ARHGEF38: variants seen among roughly 807,000 people sequenced by gnomAD.
The protein encoded by ARHGEF38 is Rho guanine nucleotide exchange factor 38.
In ARHGEF38, 79 loss-of-function variants were observed where a neutral mutation model predicts 79.9. The ratio of observed to expected loss-of-function variants is 0.99; its 90% CI spans 0.82 to 1.19. ARHGEF38 has a LOEUF of 1.19. ARHGEF38 is among the 50% of genes most tolerant of loss of function. ARHGEF38 has a pLI of 0.00. For synonymous variants in ARHGEF38, 366 were observed against 328.3 expected, an observed-to-expected ratio of 1.11 and a Z score of -1.24; for missense variants, 962 against 907.2, an observed-to-expected ratio of 1.06 and a Z score of -0.78.
intron 3 of ARHGEF38, among the ~76,000 whole-genome samples, chr4:105,621,819 G>A (rs1728745612): frequency 6.6e-6 from 1 of 152,156 alleles, no homozygotes; most frequent in African/African-American, 2.4e-5. Flanking sequence ...TGGTTGGGAG[G>A]GTCCTAGACC....
intron 1 of ARHGEF38, among the ~76,000 whole-genome samples, chr4:105,584,614 T>C (rs1014679996): frequency 6.6e-5 from 10 of 152,206 alleles, no homozygotes; most frequent in Non-Finnish European, 1.2e-4. Flanking sequence ...CTCTACTATA[T>C]CTACATCTCT....
intron 2 of ARHGEF38, among the ~76,000 whole-genome samples, chr4:105,599,468 C>A: frequency 6.6e-6 from 1 of 152,110 alleles, no homozygotes; most frequent in East Asian, 1.9e-4. Flanking sequence ...CATCCCTCAG[C>A]CTGGGCAAGA....
In ARHGEF38 at chr4:105,679,254, C is replaced by A; in HGVS notation, c.*1317C>A. The A allele has an allele frequency of 1.5e-6, 1 of 680,616 alleles. No homozygotes were observed. Among genetic ancestry groups the A allele is most frequent in the South Asian group, 1.8e-5 (1 of 55,118 alleles). The allele number at this position is 680,616 out of a possible 1,614,324, so 42.2% of individuals were successfully genotyped here. A position where few individuals can be genotyped will look rare whatever the true frequency, so the allele number is the denominator to read the frequency against. ...TTTCCATCATAATATTCTTTAATTT[C>A]AGGTAATTTAGCTGGCACTGAGAGT... On this transcript the variant is annotated 3_prime_UTR_variant, in exon 14 of 14. Transcript: ENST00000420470.
At chr4:105,589,115 T>A in intron 1 of ARHGEF38, 133 bp from the exon 2 acceptor site, 1 of 672,834 alleles carries the variant, frequency 1.5e-6, no homozygotes, top group East Asian at 2.8e-5. Context: ...CATATATCAC[T>A]TCCTAAGAAA....
intron 1 of ARHGEF38, among the ~76,000 whole-genome samples, chr4:105,555,436 T>C (rs1051208384): frequency 1.3e-5 from 2 of 152,168 alleles, no homozygotes; most frequent in African/African-American, 4.8e-5. Flanking sequence ...ATCAGTTCTG[T>C]GCGTTTGTTC....
At chr4:105,602,790 G>A (rs1468540309) in intron 2 of ARHGEF38, among the ~76,000 whole-genome samples, 2 of 152,020 alleles carry the variant, frequency 1.3e-5, no homozygotes, top group African/African-American at 4.8e-5. Context: ...CATTGATTTG[G>A]GCACCTTGGA....
intron 5 of ARHGEF38, among the ~76,000 whole-genome samples, chr4:105,637,402 A>G (rs1007028783): frequency 2.6e-5 from 4 of 152,136 alleles, no homozygotes; most frequent in Admixed American, 6.6e-5. Flanking sequence ...TCACTTTATC[A>G]GTCTTTTCTT....
chr4:105,587,396 G>A (rs1727105735), intron 1 of ARHGEF38, among the ~76,000 whole-genome samples: 1 of 152,198 alleles, frequency 6.6e-6, no homozygotes, highest in Non-Finnish European at 1.5e-5. Context: ...GATATCTCAT[G>A]CATTCATTCT....
chr4:105,647,869 G>A (rs1729916135), intron 6 of ARHGEF38, among the ~76,000 whole-genome samples: 1 of 150,462 alleles, frequency 6.6e-6, no homozygotes, highest in African/African-American at 2.5e-5. Flanking sequence ...GGGCACAGTT[G>A]TCTTGTCTTT....
intron 4 of ARHGEF38, among the ~76,000 whole-genome samples, chr4:105,632,036 G>A (rs1386708892): frequency 6.6e-6 from 1 of 152,122 alleles, no homozygotes; most frequent in Non-Finnish European, 1.5e-5. Flanking sequence ...CCCCAACGGG[G>A]ATGGGGATGG....
At chr4:105,646,760 A>C (rs2110542795) in intron 6 of ARHGEF38, among the ~76,000 whole-genome samples, 1 of 152,314 alleles carries the variant, frequency 6.6e-6, no homozygotes, top group Middle Eastern at 3.4e-3. Context: ...ACAATACCAC[A>C]AGAAGATAAA....
At chr4:105,564,581 T>C (rs1157041504) in intron 1 of ARHGEF38, among the ~76,000 whole-genome samples, 3 of 152,216 alleles carry the variant, frequency 2.0e-5, no homozygotes, top group African/African-American at 4.8e-5. Context: ...AATGTGAATG[T>C]ATTTAATGAT....
intron 8 of ARHGEF38, 85 bp from the exon 9 acceptor site, chr4:105,655,518 A>T (rs1325684162): frequency 7.4e-7 from 1 of 1,356,624 alleles, no homozygotes; most frequent in Non-Finnish European, 9.9e-7. Flanking sequence ...ATTAAGGGTT[A>T]TGCTGATGAA....
chr4:105,662,308 CT>C (rs1465177627), intron 10 of ARHGEF38, among the ~76,000 whole-genome samples: 3 of 151,964 alleles, frequency 2.0e-5, no homozygotes, highest in Non-Finnish European at 4.4e-5. Flanking sequence ...GGAGATGAGC[CT>C]TTTGTTGAGA....
In ARHGEF38 at chr4:105,679,787, C is replaced by A; in HGVS notation, c.*1850C>A. On this transcript the variant is annotated 3_prime_UTR_variant, in exon 14 of 14. Transcript: ENST00000420470. ...AAAACATATACAAACCCCTGTCTGT[C>A]CAGCTTTACCCACGCATCCAGAGAG... is the stretch of plus-strand genomic sequence containing the variant. The A allele has an allele frequency of 4.8e-6, 5 of 1,032,404 alleles. No individual in the cohort carries two copies. The highest frequency in any genetic ancestry group is 7.6e-6 in the Non-Finnish European group (5 of 658,036). 64.0% of individuals were successfully genotyped at this position (1,032,404 alleles called of 1,614,324 possible). A position where few individuals can be genotyped will look rare whatever the true frequency, so the allele number is the denominator to read the frequency against.
chr4:105,554,803 C>T (rs1172257343), intron 1 of ARHGEF38, among the ~76,000 whole-genome samples: 1 of 151,944 alleles, frequency 6.6e-6, no homozygotes, highest in Admixed American at 6.6e-5. Context: ...TAATGGGTAC[C>T]ATAATGATAA....
intron 6 of ARHGEF38, 21 bp downstream of exon 6, chr4:105,645,408 T>TTCCA (rs1729798489): frequency 6.7e-7 from 1 of 1,488,250 alleles, no homozygotes; most frequent in Non-Finnish European, 8.9e-7. Context: ...ACATGATGAA[T>TTCCA]TGGTTGTTTT....
At position 105,655,592 on chromosome 4, in the gene ARHGEF38, T is replaced by C; in HGVS notation, c.1114-11T>C. 6.5e-7 allele frequency: 1 copy of C among 1,533,492 alleles called. No individual in the cohort carries two copies. Among genetic ancestry groups the C allele is most frequent in the Non-Finnish European group, 8.7e-7 (1 of 1,146,034 alleles). 95.0% of individuals were successfully genotyped at this position (1,533,492 alleles called of 1,614,324 possible). A position where few individuals can be genotyped will look rare whatever the true frequency, so the allele number is the denominator to read the frequency against. ...ACTTGCCTTTTTTGTAACTTTGTTC[T>C]TGGGTTTCAGGATGCCATGCCCCTG... is the stretch of plus-strand genomic sequence containing the variant. On this transcript the variant is annotated splice_polypyrimidine_tract_variant and intron_variant, in intron 8 of 13. Coordinates refer to ENST00000420470, the MANE Select transcript of ARHGEF38 (RefSeq NM_001242729.2).
chr4:105,560,081 T>G (rs766551028), intron 1 of ARHGEF38, among the ~76,000 whole-genome samples: 6 of 152,236 alleles, frequency 3.9e-5, no homozygotes, highest in Non-Finnish European at 5.9e-5. Context: ...CAAAGCCATT[T>G]GATGGTTGCA....
Sources: gnomAD v4.1 joint callset for allele counts (sites outside exome capture counted in the v4.1 genomes callset) on GRCh38, gnomAD v4.1.1 for gene constraint, MANE v1.5 for transcripts, NCBI Gene and HGNC (gene_info 2026-07-23, HGNC 2026-07-21) for gene names.